CAST: variants seen among roughly 807,000 people sequenced by gnomAD.
CAST encodes the protein MIR583 host.
A neutral mutation model predicts 119.6 loss-of-function variants in CAST; 76 were observed. The observed-to-expected ratio is 0.64, with a 90% confidence interval of 0.53 to 0.77. The LOEUF (loss-of-function observed/expected upper bound fraction) is 0.77, where lower values mean the gene tolerates loss of function less well. Ranked by LOEUF, CAST falls within the 30% of genes least tolerant of loss-of-function variation. CAST has a pLI of 0.00. For missense variants in CAST, 953 were observed against 946.5 expected (o/e 1.01, Z -0.09); for synonymous variants, 319 against 331.6 (o/e 0.96, Z 0.41).
chr5:96,270,511 G>T, the CAST span, among the ~76,000 whole-genome samples: 1 of 152,208 alleles, frequency 6.6e-6, no homozygotes, highest in Middle Eastern at 3.4e-3. Flanking sequence ...TTCACCTATG[G>T]AATACTATGC....
At chr5:96,558,367 G>A (rs1580823799) in intron 1 of CAST, among the ~76,000 whole-genome samples, 2 of 142,106 alleles carry the variant, frequency 1.4e-5, no homozygotes, top group Non-Finnish European at 1.6e-5. Flanking sequence ...GAGCAGAACT[G>A]AAGGAAATAG....
intron 2 of CAST, among the ~76,000 whole-genome samples, chr5:96,678,666 A>C (rs1309996824): frequency 6.6e-6 from 1 of 152,104 alleles, no homozygotes; most frequent in Non-Finnish European, 1.5e-5. Context: ...AAAATGGTGA[A>C]ACTCCATCTC....
At chr5:96,264,298 G>A in the CAST span, among the ~76,000 whole-genome samples, 31 of 152,258 alleles carry the variant, frequency 2.0e-4, no homozygotes, top group East Asian at 6.0e-3. Context: ...CCTGGCAAAT[G>A]TCTTGGTGTA....
chr5:96,180,599 G>A, the CAST span, among the ~76,000 whole-genome samples: 1 of 152,096 alleles, frequency 6.6e-6, no homozygotes, highest in Non-Finnish European at 1.5e-5. Context: ...AACGAGAAAA[G>A]GGGAAATTTG....
chr5:96,103,208 AATT>A, the CAST span, among the ~76,000 whole-genome samples: 1 of 151,874 alleles, frequency 6.6e-6, no homozygotes, highest in Non-Finnish European at 1.5e-5. Context: ...CTCTTTTTTA[AATT>A]ATTATACTTT....
chr5:96,164,941 G>T, the CAST span, among the ~76,000 whole-genome samples: 1 of 152,260 alleles, frequency 6.6e-6, no homozygotes, highest in African/African-American at 2.4e-5. Context: ...GGAGAAGGCA[G>T]CCTTGGTAGT....
At chr5:96,183,520 C>T in the CAST span, among the ~76,000 whole-genome samples, 1 of 152,030 alleles carries the variant, frequency 6.6e-6, no homozygotes, top group Non-Finnish European at 1.5e-5. Context: ...ACTGGTAATT[C>T]TAGATCTATT....
At chr5:96,612,813 A>G (rs1318901685) in intron 1 of CAST, among the ~76,000 whole-genome samples, 2 of 152,168 alleles carry the variant, frequency 1.3e-5, no homozygotes, top group African/African-American at 4.8e-5. Flanking sequence ...CGGGGTAACA[A>G]TTTATCTTTG....
At chr5:96,413,784 G>C in the CAST span, among the ~76,000 whole-genome samples, 951 of 120,856 alleles carry the variant, frequency 7.9e-3, 9 homozygotes, top group African/African-American at 0.017. Context: ...CTGGGCAACA[G>C]AGCAAGACTC....
chr5:96,474,606 G>A, the CAST span, among the ~76,000 whole-genome samples: 806 of 152,276 alleles, frequency 5.3e-3, 7 homozygotes, highest in African/African-American at 0.018. Context: ...ATGACAATGG[G>A]CAGGTTTATT....
At chr5:96,059,998 G>C in the CAST span, among the ~76,000 whole-genome samples, 3 of 152,118 alleles carry the variant, frequency 2.0e-5, no homozygotes, top group South Asian at 2.1e-4. Flanking sequence ...TGAAGGATTA[G>C]AGTAGAATAC....
chr5:96,575,881 G>A (rs1211156265), intron 1 of CAST, among the ~76,000 whole-genome samples: 2 of 151,998 alleles, frequency 1.3e-5, no homozygotes, highest in Admixed American at 6.6e-5. Flanking sequence ...GGGCTCAAGG[G>A]ATCTTCCCAC....
the CAST span, among the ~76,000 whole-genome samples, chr5:96,134,340 A>G: frequency 6.6e-6 from 1 of 152,240 alleles, no homozygotes; most frequent in Non-Finnish European, 1.5e-5. Flanking sequence ...GGGCAATGCA[A>G]TCTCCATTTT....
the CAST span, among the ~76,000 whole-genome samples, chr5:96,235,139 T>C: frequency 6.6e-6 from 1 of 152,192 alleles, no homozygotes; most frequent in African/African-American, 2.4e-5. Flanking sequence ...TCCTGGTTCA[T>C]CTTGGTGGAC....
intron 17 of CAST, among the ~76,000 whole-genome samples, chr5:96,747,026 G>GT (rs1581244519): frequency 6.6e-6 from 1 of 152,180 alleles, no homozygotes; most frequent in Non-Finnish European, 1.5e-5. Flanking sequence ...GAGAATTGGG[G>GT]TTTTTTAAAA....
At chr5:96,332,169 A>G in the CAST span, among the ~76,000 whole-genome samples, 1 of 152,228 alleles carries the variant, frequency 6.6e-6, no homozygotes, top group African/African-American at 2.4e-5. Context: ...TTCTCCCAAA[A>G]CAAACAAAAC....
chr5:96,697,435 A>G (rs1479221611), intron 3 of CAST, among the ~76,000 whole-genome samples: 1 of 152,180 alleles, frequency 6.6e-6, no homozygotes. Context: ...CCAAACCAAT[A>G]ATCAGCTGAG....
chr5:96,624,717 A>G (rs1381126064), intron 1 of CAST, among the ~76,000 whole-genome samples: 1 of 152,156 alleles, frequency 6.6e-6, no homozygotes, highest in East Asian at 1.9e-4. Flanking sequence ...CTCTTTGCCA[A>G]TTTTTCATTA....
intron 20 of CAST, among the ~76,000 whole-genome samples, chr5:96,752,677 G>C (rs932137017): frequency 2.2e-5 from 3 of 139,460 alleles, no homozygotes; most frequent in Middle Eastern, 4.2e-3. Context: ...CTTTCCTTTT[G>C]CAGTGCAGTT....
Sources: allele counts gnomAD v4.1 joint callset (sites outside exome capture counted in the v4.1 genomes callset), GRCh38; gene constraint gnomAD v4.1.1; transcripts MANE v1.5; gene names NCBI Gene and HGNC (gene_info 2026-07-23, HGNC 2026-07-21).